The following CNOT7 variants were observed in gnomAD, a reference collection of about 807,000 sequenced individuals.
CNOT7 encodes the protein CCR4-NOT transcription complex subunit 7, also known as BTG1-binding factor 1.
A neutral mutation model predicts 37.1 loss-of-function variants in CNOT7; 4 were observed. That is an observed-to-expected ratio of 0.11 (90% CI 0.05 to 0.25). The LOEUF (loss-of-function observed/expected upper bound fraction) is 0.25, where lower values mean the gene tolerates loss of function less well. CNOT7 is among the 10% of genes least tolerant of loss of function. CNOT7 has a pLI of 1.00. For missense variants in CNOT7, 170 were observed against 336.2 expected (o/e 0.51, Z 3.87); for synonymous variants, 128 against 115.6 (o/e 1.11, Z -0.69).
At chr8:17,244,917 T>C in intron 2 of CNOT7, 119 bp downstream of exon 2, 1 of 850,046 alleles carries the variant, frequency 1.2e-6, no homozygotes, top group East Asian at 2.5e-5. Flanking sequence ...TGACAAATTT[T>C]ACTTTTCATG....
intron 3 of CNOT7, among the ~76,000 whole-genome samples, chr8:17,239,809 T>A (rs919033899): frequency 6.6e-6 from 1 of 152,212 alleles, no homozygotes; most frequent in African/African-American, 2.4e-5. Context: ...TGAGAATTTG[T>A]TAAAAATTTG....
rs1334555593 is a variant in CNOT7, at chr8:17,245,133, T to C, written c.20A>G (p.Asp7Gly). 6.2e-7 allele frequency: 1 copy of C among 1,613,360 alleles called. No homozygotes were observed. Among genetic ancestry groups the C allele is most frequent in the Non-Finnish European group, 8.5e-7 (1 of 1,179,760 alleles). The change falls in exon 2 of 7, where the codon GAT becomes GGT. Residue 7 changes from aspartate (D) to glycine (G), a missense_variant. Physicochemically the swap from Asp to Gly is moderately conservative, Grantham distance 94 (BLOSUM62 -1). Transcript: ENST00000361272. The stretch of plus-strand genomic sequence containing the variant: ...AACTTCACAAATTCTTTGGCTATGA[T>C]CTACAGTTGCCGCTGGCATAGTGAG... Reference protein sequence around the residue: MPAATVDHSQRICEVWA... With the variant: MPAATVGHSQRICEVWA...
At chr8:17,237,565 T>A in intron 3 of CNOT7, 192 bp from the exon 4 acceptor site, 1 of 545,458 alleles carries the variant, frequency 1.8e-6, no homozygotes, top group Non-Finnish European at 3.2e-6. Flanking sequence ...AGAAAAGTGT[T>A]TCGAATAAAA....
At chr8:17,242,322 C>G (rs1008342799) in intron 3 of CNOT7, 1 of 151,946 alleles carries the variant, frequency 6.6e-6, no homozygotes, top group African/African-American at 2.4e-5. Context: ...ATAATCTGCC[C>G]CTCTCTAAAA....
At chr8:17,232,655 CTTATAAAGA>C (rs1808783794) in intron 5 of CNOT7, 118 bp from the exon 6 acceptor site, 1 of 801,204 alleles carries the variant, frequency 1.2e-6, no homozygotes, top group Non-Finnish European at 2.0e-6. Context: ...AAAGGTGAAT[CTTATAAAGA>C]TTGGGGGGAA....
At chr8:17,241,493 G>C (rs933684512) in intron 3 of CNOT7, 1 of 152,052 alleles carries the variant, frequency 6.6e-6, no homozygotes, top group Non-Finnish European at 1.5e-5. Context: ...CCCTACTTTC[G>C]TAAAATTGTG....
chr8:17,230,583 C>A lies in CNOT7; in HGVS notation c.*137G>T, dbSNP rs1198639668. The A allele has an allele frequency of 2.8e-5, 16 of 573,178 alleles. No homozygotes were observed. The East Asian group carries it at 5.2e-4, about 18-fold the overall frequency. The allele number at this position is 573,178 out of a possible 1,614,324, so 35.5% of individuals were successfully genotyped here. ...GAGATAGGAACGGTCATACTTAGTA[C>A]TGAAAGGCAGACAATAAAATGGGCC... On this transcript the variant is annotated 3_prime_UTR_variant, in exon 7 of 7. Transcript: ENST00000361272.
chr8:17,229,914 T>C lies in CNOT7; in HGVS notation c.*806A>G, dbSNP rs1253515181. 1 of 151,734 alleles carries C rather than the reference T, an allele frequency of 6.6e-6. No homozygotes were observed. Among genetic ancestry groups the C allele is most frequent in the Non-Finnish European group, 1.5e-5 (1 of 67,780 alleles). The allele number at this position is 151,734 out of a possible 1,614,324, so 9.4% of individuals were successfully genotyped here. On this transcript the variant is annotated 3_prime_UTR_variant, in exon 7 of 7. Coordinates refer to ENST00000361272, the MANE Select transcript of CNOT7 (RefSeq NM_013354.7). ...GGGAAGTGTGCTATCATAAAATAAC[T>C]GTAGCTTCAACATCTTGAGTACCAG...
chr8:17,233,128 G>A (rs1224708795), intron 5 of CNOT7, among the ~76,000 whole-genome samples: 2 of 152,024 alleles, frequency 1.3e-5, no homozygotes, highest in South Asian at 2.1e-4. Context: ...AGATGAGAGT[G>A]GAAAGAGTGG....
At chr8:17,234,689 T>C (rs1226049361) in intron 5 of CNOT7, 27 bp downstream of exon 5, 6 of 1,612,402 alleles carry the variant, frequency 3.7e-6, no homozygotes, top group South Asian at 1.1e-5. Context: ...AGTGTGCTGC[T>C]GTAGATAATG....
intron 3 of CNOT7, among the ~76,000 whole-genome samples, chr8:17,238,509 CTTTTT>C (rs75080604): frequency 7.2e-6 from 1 of 139,400 alleles, no homozygotes; most frequent in Non-Finnish European, 1.6e-5. Context: ...GAAGTAGTTT[CTTTTT>C]TTTTTTTTTT....
intron 2 of CNOT7, 52 bp from the exon 3 acceptor site, chr8:17,243,237 CCA>C (rs756811140): frequency 7.1e-7 from 1 of 1,404,090 alleles, no homozygotes. Flanking sequence ...AAACTACAAT[CCA>C]CACATTTTTA....
rs1808147685 is a variant in CNOT7 at position 17,226,193 on chromosome 8, T to C, written c.*4527A>G. On this transcript the variant is annotated 3_prime_UTR_variant, in exon 7 of 7. Transcript: ENST00000361272. ...CTCAAAATATTGAGTACAATTTTTT[T>C]TTCTTTTTTTAGTAATAGAGTTCTA... 1 of 151,506 alleles carries C rather than the reference T, an allele frequency of 6.6e-6. No homozygotes were observed. The highest frequency in any genetic ancestry group is 1.5e-5 in the Non-Finnish European group (1 of 67,598). The allele number at this position is 151,506 out of a possible 1,614,324, so 9.4% of individuals were successfully genotyped here.
At chr8:17,234,631 A>C in intron 5 of CNOT7, 85 bp downstream of exon 5, 1 of 1,408,804 alleles carries the variant, frequency 7.1e-7, no homozygotes, top group African/African-American at 1.4e-5. Context: ...AATATGGTTT[A>C]AAACAACATC....
At chr8:17,241,819 A>T (rs1443300984) in intron 3 of CNOT7, 1 of 152,236 alleles carries the variant, frequency 6.6e-6, no homozygotes, top group East Asian at 1.9e-4. Context: ...GTCACAAAAA[A>T]ATCATCAAAC....
At chr8:17,245,283 TATCAAATCTGAA>T in intron 1 of CNOT7, 36 bp from the exon 2 acceptor site, 3 of 902,718 alleles carry the variant, frequency 3.3e-6, no homozygotes, top group Non-Finnish European at 4.7e-6. Flanking sequence ...AGACCAGATA[TATCAAATCTGAA>T]TCACAGAATA....
At chr8:17,244,670 A>T (rs536638416) in intron 2 of CNOT7, 22 of 170,898 alleles carry the variant, frequency 1.3e-4, no homozygotes, top group Non-Finnish European at 2.5e-4. Context: ...AAGACTTAGT[A>T]AGATACCCAA....
intron 2 of CNOT7, 33 bp downstream of exon 2, chr8:17,245,003 T>C: frequency 6.6e-7 from 1 of 1,511,726 alleles, no homozygotes; most frequent in Non-Finnish European, 9.1e-7. Context: ...CTCCTTTATA[T>C]GAAGCGTTTT....
chr8:17,231,426 T>C (rs1808590878), intron 6 of CNOT7: 1 of 600,314 alleles, frequency 1.7e-6, no homozygotes, highest in Non-Finnish European at 2.1e-6. Context: ...GTTTCAATTA[T>C]CTAATGAAAC....
Sources: gnomAD v4.1 joint callset for allele counts (sites outside exome capture counted in the v4.1 genomes callset) on GRCh38, gnomAD v4.1.1 for gene constraint, MANE v1.5 for transcripts, NCBI Gene and HGNC (gene_info 2026-07-23, HGNC 2026-07-21) for gene names.